The following SDK2 variants were observed in gnomAD, a reference collection of about 807,000 sequenced individuals.
The protein encoded by SDK2 is protein sidekick-2.
A neutral mutation model predicts 253.9 loss-of-function variants in SDK2; 105 were observed. That is an observed-to-expected ratio of 0.41 (90% CI 0.35 to 0.49). SDK2 has a LOEUF of 0.49. Ranked by LOEUF, SDK2 falls within the 20% of genes least tolerant of loss-of-function variation. The pLI, the probability that SDK2 is intolerant of heterozygous loss-of-function variation, is 0.06. For missense variants in SDK2, 2,608 were observed against 3,003.0 expected (o/e 0.87, Z 3.07); for synonymous variants, 1,249 against 1,234.9 (o/e 1.01, Z -0.24).
At chr17:73,538,878 C>G (rs2044821899) in intron 1 of SDK2, among the ~76,000 whole-genome samples, 2 of 152,178 alleles carry the variant, frequency 1.3e-5, no homozygotes, top group African/African-American at 4.8e-5. Flanking sequence ...GGCCTAGAAG[C>G]CAGGCCTCTG....
intron 44 of SDK2, among the ~76,000 whole-genome samples, chr17:73,340,736 T>TTG (rs1174930666): frequency 4.2e-5 from 5 of 118,282 alleles, no homozygotes; most frequent in Non-Finnish European, 7.2e-5. Context: ...ACCTTAAAGT[T>TTG]TTTTTTTTTT....
intron 1 of SDK2, among the ~76,000 whole-genome samples, chr17:73,568,199 G>C (rs28641633): frequency 0.021 from 3,180 of 152,256 alleles, 40 homozygotes; most frequent in Middle Eastern, 0.068. Flanking sequence ...GTTCACAAGA[G>C]AGCTGGTTGT....
At chr17:73,580,519 C>G in intron 1 of SDK2, among the ~76,000 whole-genome samples, 1 of 152,238 alleles carries the variant, frequency 6.6e-6, no homozygotes, top group East Asian at 1.9e-4. Flanking sequence ...GGGCCAGCTT[C>G]ATGGGCATGA....
At chr17:73,621,030 A>G (rs1228766377) in intron 1 of SDK2, among the ~76,000 whole-genome samples, 1 of 152,246 alleles carries the variant, frequency 6.6e-6, no homozygotes, top group Non-Finnish European at 1.5e-5. Flanking sequence ...CCTCAATTAC[A>G]ACATAAGAAA....
intron 24 of SDK2, 66 bp downstream of exon 24, chr17:73,397,969 C>A: frequency 6.4e-7 from 1 of 1,554,078 alleles, no homozygotes; most frequent in Non-Finnish European, 8.7e-7. Flanking sequence ...CTGATGTGCA[C>A]CTTCTAGGAG....
At chr17:73,628,777 C>T (rs917766160) in intron 1 of SDK2, among the ~76,000 whole-genome samples, 1 of 152,230 alleles carries the variant, frequency 6.6e-6, no homozygotes, top group Non-Finnish European at 1.5e-5. Flanking sequence ...ACTCACCACA[C>T]TTCAGAGAGG....
intron 1 of SDK2, chr17:73,518,215 G>A (rs1377725421): frequency 2.6e-5 from 4 of 152,166 alleles, no homozygotes; most frequent in African/African-American, 9.7e-5. Context: ...TATAAGAGCC[G>A]AGTAGCCCTC....
intron 36 of SDK2, among the ~76,000 whole-genome samples, chr17:73,378,345 G>A (rs111859710): frequency 0.062 from 9,364 of 151,860 alleles, 950 homozygotes; most frequent in African/African-American, 0.21. Flanking sequence ...CAAGTGATCC[G>A]CCCACCTTGG....
intron 8 of SDK2, 84 bp downstream of exon 8, chr17:73,437,655 G>A (rs1046347997): frequency 8.3e-7 from 1 of 1,199,462 alleles, no homozygotes; most frequent in African/African-American, 1.5e-5. Flanking sequence ...AGAAGAAGCT[G>A]GAATTTAGAA....
rs56795110 is a variant in SDK2, at chr17:73,575,193, C to T, written c.65-67596G>A. On this transcript the variant is annotated intron_variant, in intron 1 of 44. Transcript: ENST00000392650. ...CTGCTGAAGCTCCCTGGGCTCCAGG[C>T]TCCTCAATGGGGCGAATGACACCTG... 6.8e-3 allele frequency among the ~76,000 whole-genome samples: 1,032 copies of T among 152,300 alleles called. 5 individuals carry two copies. Among genetic ancestry groups the T allele is most frequent in the African/African-American group, 0.024 (980 of 41,562 alleles).
chr17:73,589,231 G>A (rs1279692704), intron 1 of SDK2, among the ~76,000 whole-genome samples: 8 of 152,290 alleles, frequency 5.3e-5, no homozygotes, highest in Admixed American at 4.6e-4. Context: ...CCAGCTCACA[G>A]TGATGAATGC....
intron 2 of SDK2, among the ~76,000 whole-genome samples, chr17:73,494,439 A>G (rs1340034343): frequency 1.3e-5 from 2 of 152,044 alleles, no homozygotes; most frequent in Non-Finnish European, 2.9e-5. Flanking sequence ...CCCATCGTCC[A>G]TCTCCAGCTT....
chr17:73,444,437 G>C (rs1056137015), intron 5 of SDK2, among the ~76,000 whole-genome samples: 3 of 152,152 alleles, frequency 2.0e-5, no homozygotes, highest in Admixed American at 6.5e-5. Context: ...GAGGAGGGGT[G>C]TCTTCCCGGT....
chr17:73,361,805 G>A lies in SDK2; in HGVS notation c.5346C>T (p.Ser1782=), dbSNP rs775350553. 1 of 1,607,762 alleles carries A rather than the reference G, an allele frequency of 6.2e-7. No individual in the cohort carries two copies. Among genetic ancestry groups the A allele is most frequent in the Non-Finnish European group, 8.5e-7 (1 of 1,176,912 alleles). ...KIVTVDVKGN[S]PLWLKVKDLA... ...GGTCCTTCACCTTCAGCCACAGGGG[G>A]CTGTTCCCCTTCACGTCCACGGTCA... Residue 1782 remains serine, a synonymous_variant, in exon 39 of 45, where the codon AGC becomes AGT. Transcript: ENST00000392650. This position sits in a 1 kb window ranked among gnomAD's most constrained non-coding sequence, Gnocchi z 4.1.
intron 1 of SDK2, among the ~76,000 whole-genome samples, chr17:73,586,906 G>T (rs2045610023): frequency 6.6e-6 from 1 of 152,214 alleles, no homozygotes; most frequent in Non-Finnish European, 1.5e-5. Context: ...TTTAGAGTCA[G>T]ATCTGAATGG....
rs779077145 is a variant in SDK2 at position 73,394,185 on chromosome 17, A to C, written c.3708+24T>G. ...CTGGAGGGGCCAGTGTAGGGACCCC[A>C]CCTCCTGGGATCCCGGGACTCACCT... On this transcript the variant is annotated intron_variant, in intron 26 of 44. Coordinates refer to ENST00000392650, the MANE Select transcript of SDK2 (RefSeq NM_001144952.2). The C allele has an allele frequency of 1.7e-5, 24 of 1,451,398 alleles. No individual in the cohort carries two copies. In the East Asian group the frequency reaches 5.9e-4, roughly 36 times the overall value. 89.9% of individuals were successfully genotyped at this position (1,451,398 alleles called of 1,614,324 possible).
intron 1 of SDK2, among the ~76,000 whole-genome samples, chr17:73,515,775 T>C (rs1249406129): frequency 1.3e-5 from 2 of 152,228 alleles, no homozygotes; most frequent in Non-Finnish European, 2.9e-5. Flanking sequence ...AGAAGATAAA[T>C]TGGGTTTACA....
chr17:73,628,485 T>C (rs7218219), intron 1 of SDK2, among the ~76,000 whole-genome samples: 60,198 of 152,022 alleles, frequency 0.4, 12,848 homozygotes, highest in African/African-American at 0.56. Flanking sequence ...ACTGTGAGCT[T>C]TTATGATGCC....
intron 5 of SDK2, among the ~76,000 whole-genome samples, chr17:73,445,319 T>TA (rs575408093): frequency 1.1e-4 from 17 of 152,246 alleles, no homozygotes; most frequent in African/African-American, 3.6e-4. Context: ...TTTTACTTGG[T>TA]AAAAAAATGG....
Sources: gnomAD v4.1 joint callset for allele counts (sites outside exome capture counted in the v4.1 genomes callset) on GRCh38, gnomAD v4.1.1 for gene constraint, Gnocchi (gnomAD v3.1) non-coding constraint, MANE v1.5 for transcripts, NCBI Gene and HGNC (gene_info 2026-07-23, HGNC 2026-07-21) for gene names.